Variants in FLT3 observed in about 807,000 individuals in gnomAD.
FLT3 encodes receptor-type tyrosine-protein kinase FLT3.
A neutral mutation model predicts 126.6 loss-of-function variants in FLT3; 46 were observed. The ratio of observed to expected loss-of-function variants is 0.36; its 90% CI spans 0.29 to 0.46. The LOEUF is 0.46. Among genes scored for constraint, FLT3 ranks in the 20% least tolerant of loss-of-function variants. FLT3 has a pLI of 1.00. For synonymous variants in FLT3, 404 were observed against 434.4 expected (o/e 0.93, Z 0.87); for missense variants, 1,069 against 1,190.3 (o/e 0.90, Z 1.50).
chr13:28,051,705 C>T (rs1363618544), intron 5 of FLT3, among the ~76,000 whole-genome samples: 6 of 151,714 alleles, frequency 4.0e-5, no homozygotes, highest in East Asian at 1.9e-4. Flanking sequence ...CCACCACGCC[C>T]GGCTAATTTT....
intron 1 of FLT3, among the ~76,000 whole-genome samples, chr13:28,082,368 C>G (rs919530043): frequency 6.6e-6 from 1 of 152,092 alleles, no homozygotes; most frequent in Non-Finnish European, 1.5e-5. Context: ...TGCTATGTTG[C>G]CAAGGCTGGT....
chr13:28,086,619 CGTGTGTGTGTGT>C (rs35797346), intron 1 of FLT3, among the ~76,000 whole-genome samples: 30 of 134,834 alleles, frequency 2.2e-4, no homozygotes, highest in East Asian at 1.3e-3. Context: ...CTGAAGAACT[CGTGTGTGTGTGT>C]GTGTGTGTGT....
chr13:28,080,556 T>C (rs1878248880), intron 1 of FLT3, among the ~76,000 whole-genome samples: 1 of 152,188 alleles, frequency 6.6e-6, no homozygotes, highest in Admixed American at 6.5e-5. Context: ...GTTAAAATTA[T>C]ATATATTCTG....
At chr13:28,092,915 CTTTTTTT>C (rs780584936) in intron 1 of FLT3, among the ~76,000 whole-genome samples, 1 of 89,828 alleles carries the variant, frequency 1.1e-5, no homozygotes, top group Non-Finnish European at 2.0e-5. Context: ...CCAGAGACTA[CTTTTTTT>C]TTTTTTTTTT....
At chr13:28,070,687 CA>C (rs2137788552) in intron 1 of FLT3, 75 bp from the exon 2 acceptor site, 1 of 1,178,530 alleles carries the variant, frequency 8.5e-7, no homozygotes, top group East Asian at 2.4e-5. Flanking sequence ...ATCTTGCAAC[CA>C]AACAACAAAA....
rs1227747438 is a variant in FLT3, at chr13:28,015,701, C to A, written c.2542G>T (p.Ala848Ser). ...GCCATCCATTTTACAGGCAGACGGG[C>A]CTGTGGAAAACCCAGAGGAGATAAG... is the stretch of plus-strand genomic sequence containing the variant. ...SDSNYVVRGN[A>S]RLPVKWMAPE... Residue 848 changes from alanine to serine, a missense_variant and splice_region_variant, in exon 21 of 24, where the codon GCC (alanine) becomes TCC (serine). By Grantham distance (99) the Ala-to-Ser change is moderately conservative. Coordinates refer to ENST00000241453, the MANE Select transcript of FLT3 (RefSeq NM_004119.3). 1 of 1,601,356 alleles carries A rather than the reference C, an allele frequency of 6.2e-7. No individual in the cohort carries two copies. The highest frequency in any genetic ancestry group is 1.1e-5 in the South Asian group (1 of 90,738).
intron 1 of FLT3, among the ~76,000 whole-genome samples, chr13:28,084,047 G>A (rs1878496544): frequency 6.6e-6 from 1 of 151,378 alleles, no homozygotes; most frequent in African/African-American, 2.4e-5. Context: ...AAAAGAAATG[G>A]TGTTTTGCTG....
chr13:28,037,003 A>T lies in FLT3; in HGVS notation c.1309+182T>A, dbSNP rs1200480473. On this transcript the variant is annotated intron_variant, in intron 10 of 23. Transcript: ENST00000241453. ...AAATGAAACAGAACAAAATAACATAAAAAATAAAAAGATATATGATCAATG... is the reference window on the plus strand; with the variant it reads ...AAATGAAACAGAACAAAATAACATATAAAATAAAAAGATATATGATCAATG... Among the ~76,000 whole-genome samples the T allele has an allele frequency of 4.1e-4, 62 of 152,152 alleles. 1 individual carries two copies. Among genetic ancestry groups the T allele is most frequent in the Admixed American group, 4.1e-3 (62 of 15,268 alleles).
intron 8 of FLT3, 94 bp downstream of exon 8, chr13:28,049,290 T>A: frequency 8.9e-7 from 1 of 1,120,858 alleles, no homozygotes; most frequent in South Asian, 1.5e-5. Context: ...GATAGTAGCA[T>A]TATATTGAAA....
At chr13:28,060,409 A>G (rs949080497) in intron 3 of FLT3, among the ~76,000 whole-genome samples, 2 of 125,722 alleles carry the variant, frequency 1.6e-5, no homozygotes, top group African/African-American at 6.1e-5. Context: ...GAGACAGAGC[A>G]AAACTCTGCC....
intron 1 of FLT3, among the ~76,000 whole-genome samples, chr13:28,087,494 C>A (rs1593303689): frequency 6.6e-6 from 1 of 152,120 alleles, no homozygotes; most frequent in African/African-American, 2.4e-5. Flanking sequence ...TGATAATTAG[C>A]CTTTTGTAGT....
chr13:28,071,003 T>TC (rs1397646508), intron 1 of FLT3, among the ~76,000 whole-genome samples: 2 of 139,480 alleles, frequency 1.4e-5, no homozygotes, highest in Non-Finnish European at 3.1e-5. Flanking sequence ...TTTTTTTTTT[T>TC]TTTTTTTTTG....
chr13:28,090,180 A>G (rs761014389), intron 1 of FLT3, among the ~76,000 whole-genome samples: 1 of 151,728 alleles, frequency 6.6e-6, no homozygotes, highest in African/African-American at 2.4e-5. Context: ...AGCTGGGATT[A>G]CAGGCGTGCA....
chr13:28,032,665 G>C (rs1474904546), intron 15 of FLT3, among the ~76,000 whole-genome samples: 3 of 152,140 alleles, frequency 2.0e-5, no homozygotes, highest in Non-Finnish European at 4.4e-5. Flanking sequence ...ACAAAGGACT[G>C]AGTTTCAAAA....
At chr13:28,040,039 T>A (rs1456697710) in intron 9 of FLT3, among the ~76,000 whole-genome samples, 14 of 152,210 alleles carry the variant, frequency 9.2e-5, no homozygotes, top group African/African-American at 3.1e-4. Flanking sequence ...AGCAAAAGTT[T>A]ACTGGAAGTT....
chr13:28,099,423 G>T (rs1304412259), intron 1 of FLT3, among the ~76,000 whole-genome samples: 1 of 152,120 alleles, frequency 6.6e-6, no homozygotes, highest in Admixed American at 6.5e-5. Context: ...TTATATTTCA[G>T]AATTATTTGT....
At chr13:28,063,958 T>G (rs1207149550) in intron 2 of FLT3, among the ~76,000 whole-genome samples, 2 of 152,126 alleles carry the variant, frequency 1.3e-5, no homozygotes. Flanking sequence ...TCATAAAAGA[T>G]GGGCACAAGA....
chr13:28,065,045 T>C (rs922124143), intron 2 of FLT3, among the ~76,000 whole-genome samples: 6 of 152,322 alleles, frequency 3.9e-5, no homozygotes, highest in African/African-American at 1.4e-4. Context: ...AATGATTTCC[T>C]GGATGTACTG....
intron 1 of FLT3, among the ~76,000 whole-genome samples, chr13:28,093,752 G>GA (rs1420705364): frequency 1.6e-4 from 25 of 152,234 alleles, no homozygotes; most frequent in Non-Finnish European, 5.9e-5. Flanking sequence ...CAGCCACTGT[G>GA]CATATTTCTA....
Sources: gnomAD v4.1 joint callset for allele counts (sites outside exome capture counted in the v4.1 genomes callset) on GRCh38, gnomAD v4.1.1 for gene constraint, MANE v1.5 for transcripts, NCBI Gene and HGNC (gene_info 2026-07-23, HGNC 2026-07-21) for gene names.